ARHGAP24: variants seen among roughly 807,000 people sequenced by gnomAD.
ARHGAP24 encodes the protein Rho GTPase activating protein 24, also known as rho GTPase-activating protein 24.
Under a neutral mutation model 76.4 loss-of-function variants are expected in ARHGAP24, and 50 were observed. That is an observed-to-expected ratio of 0.65 (90% CI 0.52 to 0.83). The LOEUF is 0.83. Among genes scored for constraint, ARHGAP24 ranks in the 40% least tolerant of loss-of-function variants. ARHGAP24 has a pLI of 0.00. For synonymous variants in ARHGAP24, 345 were observed against 323.3 expected, an observed-to-expected ratio of 1.07 and a Z score of -0.72; for missense variants, 930 against 914.2, an observed-to-expected ratio of 1.02 and a Z score of -0.22.
chr4:85,848,415 T>A (rs979060659), intron 3 of ARHGAP24, among the ~76,000 whole-genome samples: 1 of 152,194 alleles, frequency 6.6e-6, no homozygotes, highest in Non-Finnish European at 1.5e-5. Context: ...TTCCCACCTA[T>A]GAGTGAGAAC....
chr4:85,810,320 A>G lies in ARHGAP24; in HGVS notation c.268+88348A>G, dbSNP rs115967528. ...CAGGAATAATATCCTGAGTAAGGATAGTGCTCTGCAAGGCCATGTCCTAAT... is the reference window on the plus strand; with the variant it reads ...CAGGAATAATATCCTGAGTAAGGATGGTGCTCTGCAAGGCCATGTCCTAAT... On this transcript the variant is annotated intron_variant, in intron 3 of 9. Transcript: ENST00000395184. 9.9e-3 allele frequency among the ~76,000 whole-genome samples: 1,507 copies of G among 152,196 alleles called. 28 individuals are homozygous for G. Among genetic ancestry groups the G allele is most frequent in the African/African-American group, 0.034 (1,408 of 41,570 alleles).
At chr4:85,801,983 A>G (rs1432193438) in intron 3 of ARHGAP24, among the ~76,000 whole-genome samples, 1 of 152,266 alleles carries the variant, frequency 6.6e-6, no homozygotes, top group Admixed American at 6.5e-5. Flanking sequence ...GACATTTGAA[A>G]GATGACTTGG....
At chr4:85,664,463 C>A (rs1722530340) in intron 2 of ARHGAP24, among the ~76,000 whole-genome samples, 1 of 151,096 alleles carries the variant, frequency 6.6e-6, no homozygotes, top group Admixed American at 6.6e-5. Flanking sequence ...AAAAAACCAG[C>A]CCCTGGATTC....
intron 5 of ARHGAP24, among the ~76,000 whole-genome samples, chr4:85,948,579 A>T (rs1229841987): frequency 1.3e-5 from 2 of 152,220 alleles, no homozygotes; most frequent in African/African-American, 4.8e-5. Flanking sequence ...AGTTCTTGAT[A>T]ACTATTGGCT....
At chr4:85,698,133 G>C (rs1488521653) in intron 2 of ARHGAP24, among the ~76,000 whole-genome samples, 1 of 152,180 alleles carries the variant, frequency 6.6e-6, no homozygotes, top group Non-Finnish European at 1.5e-5. Flanking sequence ...TTAAGGCTTT[G>C]TCCATTGTGA....
At chr4:85,602,062 A>C (rs1443611253) in intron 2 of ARHGAP24, among the ~76,000 whole-genome samples, 3 of 152,184 alleles carry the variant, frequency 2.0e-5, no homozygotes, top group Admixed American at 1.3e-4. Flanking sequence ...TCTAAGACTT[A>C]CGGAAGATAG....
Position 85,994,973 on chromosome 4 carries a change from G to C in ARHGAP24, c.1319G>C (p.Ser440Thr), listed in dbSNP as rs746458208. 1 of 1,614,102 alleles carries C rather than the reference G, an allele frequency of 6.2e-7. No individual in the cohort carries two copies. The highest frequency in any genetic ancestry group is 8.5e-7 in the Non-Finnish European group (1 of 1,180,018). Residue 440 changes from serine to threonine, a missense_variant, in exon 9 of 10, where the codon AGC (serine) becomes ACC (threonine). Ser to Thr is a moderately conservative substitution (Grantham distance 58). Transcript: ENST00000395184. Reference protein sequence around the residue: ...SGIVTNGSFSSSNAEGLEKTQ... With the variant: ...SGIVTNGSFSTSNAEGLEKTQ... ...ATAGTTACCAATGGGTCCTTCAGCA[G>C]CAGTAATGCAGAAGGTCTTGAGAAA...
chr4:85,823,406 T>G (rs1441891260), intron 3 of ARHGAP24, among the ~76,000 whole-genome samples: 10 of 152,204 alleles, frequency 6.6e-5, no homozygotes, highest in African/African-American at 2.4e-4. Flanking sequence ...ATGAATATAC[T>G]TTTAGTCATT....
chr4:85,784,608 C>T (rs1727721061), intron 3 of ARHGAP24, among the ~76,000 whole-genome samples: 1 of 151,952 alleles, frequency 6.6e-6, no homozygotes, highest in Non-Finnish European at 1.5e-5. Context: ...AGACAGTTGC[C>T]CTGCTGGTCA....
chr4:85,794,140 T>C (rs1181964257), intron 3 of ARHGAP24, among the ~76,000 whole-genome samples: 2 of 152,212 alleles, frequency 1.3e-5, no homozygotes, highest in Admixed American at 1.3e-4. Context: ...TTGTACTATA[T>C]CTTTATTTTT....
At chr4:85,948,003 G>A (rs1334364909) in intron 5 of ARHGAP24, among the ~76,000 whole-genome samples, 4 of 151,960 alleles carry the variant, frequency 2.6e-5, no homozygotes, top group Admixed American at 2.6e-4. Flanking sequence ...TATATGTGGA[G>A]GTACAGAAAT....
intron 2 of ARHGAP24, among the ~76,000 whole-genome samples, chr4:85,683,827 A>G (rs1246213782): frequency 1.3e-5 from 2 of 152,122 alleles, no homozygotes; most frequent in Non-Finnish European, 2.9e-5. Context: ...ACTATTTTTG[A>G]TACCTCGTGT....
chr4:85,930,187 A>T, intron 4 of ARHGAP24: 1 of 924,114 alleles, frequency 1.1e-6, no homozygotes, highest in Non-Finnish European at 1.3e-6. Flanking sequence ...GGGGGAGGAG[A>T]TGCTCCCTGC....
rs540336962 is a variant in ARHGAP24, at chr4:85,945,136, G to A, written c.599+2863G>A. On this transcript the variant is annotated intron_variant, in intron 5 of 9. Transcript: ENST00000395184. The stretch of plus-strand genomic sequence containing the variant: ...GCTGGGATTATAGGCGTGAGCCACC[G>A]CACCCGACCTTTTTTCTTTTTTCGA... Among the ~76,000 whole-genome samples, 393 of 151,848 alleles carry A rather than the reference G, an allele frequency of 2.6e-3. 1 individual carries two copies. Among genetic ancestry groups the A allele is most frequent in the Middle Eastern group, 6.8e-3 (2 of 294 alleles).
intron 1 of ARHGAP24, among the ~76,000 whole-genome samples, chr4:85,477,884 C>G (rs909747123): frequency 6.6e-6 from 1 of 152,206 alleles, no homozygotes; most frequent in Non-Finnish European, 1.5e-5. Context: ...TGCTGTAGCA[C>G]CGTCTTAGTC....
intron 3 of ARHGAP24, among the ~76,000 whole-genome samples, chr4:85,824,342 G>A (rs1216797218): frequency 6.6e-6 from 1 of 152,164 alleles, no homozygotes; most frequent in Non-Finnish European, 1.5e-5. Context: ...CAGGGGAAAT[G>A]TGTTAGAAAA....
intron 1 of ARHGAP24, among the ~76,000 whole-genome samples, chr4:85,541,633 C>T (rs1387672675): frequency 1.3e-5 from 2 of 151,954 alleles, no homozygotes; most frequent in Non-Finnish European, 2.9e-5. Context: ...GTACCAATTG[C>T]ATGATGATAT....
rs141782572 is a variant in ARHGAP24, at chr4:85,701,530, T to C, written c.181-20355T>C. Among the ~76,000 whole-genome samples the C allele has an allele frequency of 3.3e-3, 503 of 152,288 alleles. 3 individuals are homozygous for C. Among genetic ancestry groups the C allele is most frequent in the African/African-American group, 0.011 (476 of 41,560 alleles). ...TTTCAAAAAAACTGTACCGTATGCA[T>C]CTTAAGATGGCAATTATTTTACAGT... On this transcript the variant is annotated intron_variant, in intron 2 of 9. Coordinates refer to ENST00000395184, the MANE Select transcript of ARHGAP24 (RefSeq NM_001025616.3).
At chr4:85,591,194 C>T (rs1393279113) in intron 2 of ARHGAP24, among the ~76,000 whole-genome samples, 5 of 151,854 alleles carry the variant, frequency 3.3e-5, no homozygotes, top group South Asian at 4.2e-4. Context: ...ACAGGCATGG[C>T]GCCACCATGC....
Sources: allele counts gnomAD v4.1 joint callset (sites outside exome capture counted in the v4.1 genomes callset), GRCh38; gene constraint gnomAD v4.1.1; transcripts MANE v1.5; gene names NCBI Gene and HGNC (gene_info 2026-07-23, HGNC 2026-07-21).